DIAPH1: variants seen among roughly 807,000 people sequenced by gnomAD.
The protein encoded by DIAPH1 is protein diaphanous homolog 1.
A neutral mutation model predicts 140.7 loss-of-function variants in DIAPH1; 46 were observed. That is an observed-to-expected ratio of 0.33 (90% CI 0.26 to 0.42). DIAPH1 has a LOEUF of 0.42. Ranked by LOEUF, DIAPH1 falls within the 10% of genes least tolerant of loss-of-function variation. DIAPH1 has a pLI of 1.00. For synonymous variants in DIAPH1, 565 were observed against 551.6 expected, an observed-to-expected ratio of 1.02 and a Z score of -0.34; for missense variants, 1,310 against 1,558.7, an observed-to-expected ratio of 0.84 and a Z score of 2.69.
At chr5:141,580,627 C>T in intron 8 of DIAPH1, 117 bp downstream of exon 8, 1 of 1,032,020 alleles carries the variant, frequency 9.7e-7, no homozygotes, top group South Asian at 1.3e-5. Context: ...TGGGAAGAAA[C>T]ACAATCTTAC....
At position 141,587,024 on chromosome 5, in the gene DIAPH1, T is replaced by C. The variant is rs1474353087; in HGVS notation, c.300+18A>G. On this transcript the variant is annotated intron_variant, in intron 3 of 27. Coordinates refer to ENST00000389054, the MANE Select transcript of DIAPH1 (RefSeq NM_005219.5). ...AAATGCACAGGAAGAAGCAACATTT[T>C]GGGAATGGGAAACTTACCAGCATCT... 1 of 1,613,838 alleles carries C rather than the reference T, an allele frequency of 6.2e-7. No homozygotes were observed. Among genetic ancestry groups the C allele is most frequent in the Non-Finnish European group, 8.5e-7 (1 of 1,179,902 alleles).
chr5:141,564,981 T>C (rs975551576), intron 18 of DIAPH1: 8 of 152,230 alleles, frequency 5.3e-5, no homozygotes, highest in African/African-American at 9.6e-5. Flanking sequence ...TACAATCTTA[T>C]ACCTAGCAAC....
At chr5:141,583,733 G>A (rs2099897114) in intron 4 of DIAPH1, 118 bp from the exon 5 acceptor site, 1 of 1,378,558 alleles carries the variant, frequency 7.3e-7, no homozygotes, top group Non-Finnish European at 1.0e-6. Flanking sequence ...CAGAGACAAG[G>A]TCTTACTACG....
At chr5:141,592,802 G>C (rs1008833554) in intron 1 of DIAPH1, among the ~76,000 whole-genome samples, 5 of 152,146 alleles carry the variant, frequency 3.3e-5, no homozygotes, top group Non-Finnish European at 5.9e-5. Context: ...TATAGATACT[G>C]AAGGAAGCAT....
intron 1 of DIAPH1, among the ~76,000 whole-genome samples, chr5:141,615,261 A>C (rs942964180): frequency 4.8e-4 from 70 of 147,196 alleles, no homozygotes; most frequent in African/African-American, 1.7e-3. Context: ...TGGTGAAACC[A>C]GTCTCTACTA....
At chr5:141,615,249 C>T (rs1184470758) in intron 1 of DIAPH1, among the ~76,000 whole-genome samples, 2 of 150,690 alleles carry the variant, frequency 1.3e-5, no homozygotes, top group Non-Finnish European at 3.0e-5. Context: ...GCCTGGCCAA[C>T]ATGGTGAAAC....
At chr5:141,609,181 A>AC (rs1380798381) in intron 1 of DIAPH1, among the ~76,000 whole-genome samples, 2 of 151,952 alleles carry the variant, frequency 1.3e-5, no homozygotes, top group Non-Finnish European at 2.9e-5. Flanking sequence ...AAAAAAAAAA[A>AC]AAAAAACAGG....
At chr5:141,571,476 A>G (rs1368917725) in intron 17 of DIAPH1, 40 bp from the exon 18 acceptor site, 1 of 1,589,500 alleles carries the variant, frequency 6.3e-7, no homozygotes, top group Non-Finnish European at 8.6e-7. Flanking sequence ...GGCATCCAAT[A>G]TTGGAAAGAA....
Position 141,530,214 on chromosome 5 carries a change from T to G in DIAPH1, c.2582-517A>C, listed in dbSNP as rs574141591. On this transcript the variant is annotated intron_variant, in intron 19 of 27. Coordinates refer to ENST00000389054, the MANE Select transcript of DIAPH1 (RefSeq NM_005219.5). ...TCCCTAACAAATACATCCTGTTTTT[T>G]CAACTCTCCCTTTCTAATCTCTCAC... Among the ~76,000 whole-genome samples, 10 of 152,310 alleles carry G rather than the reference T, an allele frequency of 6.6e-5. No homozygotes were observed. The South Asian group carries it at 2.1e-3, about 32-fold the overall frequency.
intron 24 of DIAPH1, among the ~76,000 whole-genome samples, chr5:141,527,038 C>G (rs2099887441): frequency 6.6e-6 from 1 of 152,084 alleles, no homozygotes; most frequent in South Asian, 2.1e-4. Flanking sequence ...AGGTGCAAAT[C>G]AGAATAAAGT....
In DIAPH1 at chr5:141,576,126, C is replaced by T. The variant is rs531480468; in HGVS notation, c.1461+104G>A. On this transcript the variant is annotated intron_variant, in intron 14 of 27. Transcript: ENST00000389054. ...GGGAACTACACTATTGGGTGCTAAA[C>T]GCTTCCAAAATACCACAGAGGAAAA... is the stretch of plus-strand genomic sequence containing the variant. The T allele has an allele frequency of 9.1e-4, 909 of 1,003,184 alleles. 7 individuals carry two copies. In the Middle Eastern group the frequency reaches 0.015, roughly 17 times the overall value. The allele number at this position is 1,003,184 out of a possible 1,614,324, so 62.1% of individuals were successfully genotyped here.
chr5:141,559,352 C>T (rs756295659), intron 18 of DIAPH1, among the ~76,000 whole-genome samples: 5 of 152,094 alleles, frequency 3.3e-5, no homozygotes, highest in African/African-American at 7.2e-5. Flanking sequence ...CAAAGGTAAC[C>T]GTATCACTGA....
Position 141,587,061 on chromosome 5 carries a change from A to C in DIAPH1, c.281T>G (p.Val94Gly). ...ACTTACCAGCATCTGTTCAAAGAGA[A>C]CCAGCACTTGTTCATCTGAAACATC... ...LQDVSDEQVL[V>G]LFEQMLLDMN... Residue 94 changes from valine (V) to glycine (G), a missense_variant, in exon 3 of 28, where the codon GTT becomes GGT. Val to Gly is a moderately radical substitution (Grantham distance 109). Transcript: ENST00000389054. The C allele has an allele frequency of 6.2e-7, 1 of 1,614,180 alleles. No individual in the cohort carries two copies. The highest frequency in any genetic ancestry group is 8.5e-7 in the Non-Finnish European group (1 of 1,180,002).
chr5:141,544,620 C>T (rs770703588), intron 18 of DIAPH1, among the ~76,000 whole-genome samples: 10 of 152,088 alleles, frequency 6.6e-5, no homozygotes, highest in Non-Finnish European at 1.3e-4. Flanking sequence ...GAAAGCTGCT[C>T]AATATCATCA....
chr5:141,528,475 G>A lies in DIAPH1; in HGVS notation c.3126C>T (p.Ala1042=), dbSNP rs899924262. 1 of 1,614,144 alleles carries A rather than the reference G, an allele frequency of 6.2e-7. No homozygotes were observed. Among genetic ancestry groups the A allele is most frequent in the Non-Finnish European group, 8.5e-7 (1 of 1,180,040 alleles). Residue 1042 remains alanine (A), a synonymous_variant, in exon 23 of 28, where the codon GCC becomes GCT. Coordinates refer to ENST00000389054, the MANE Select transcript of DIAPH1 (RefSeq NM_005219.5). ...CACCTCGGCTGGCTTTCTCCACATG[G>A]GCAAGCTCGTCTGGAAACTTGAGGA... is the stretch of plus-strand genomic sequence containing the variant. ...PDVLKFPDEL[A]HVEKASRVSA... is the part of the protein sequence containing the mutation.
intron 1 of DIAPH1, among the ~76,000 whole-genome samples, chr5:141,597,941 TC>T (rs1485044100): frequency 6.6e-6 from 1 of 152,206 alleles, no homozygotes; most frequent in Non-Finnish European, 1.5e-5. Flanking sequence ...AGCAGTGTAC[TC>T]CCTCAACCTT....
At chr5:141,597,172 CTCT>C (rs1363001594) in intron 1 of DIAPH1, among the ~76,000 whole-genome samples, 1 of 152,078 alleles carries the variant, frequency 6.6e-6, no homozygotes, top group Non-Finnish European at 1.5e-5. Context: ...AAGGATAAGT[CTCT>C]AGCACAAAGG....
chr5:141,593,670 G>A (rs2099898843), intron 1 of DIAPH1, among the ~76,000 whole-genome samples: 1 of 152,152 alleles, frequency 6.6e-6, no homozygotes, highest in South Asian at 2.1e-4. Flanking sequence ...AAATTTAAAT[G>A]GCAAATAAAC....
intron 1 of DIAPH1, among the ~76,000 whole-genome samples, chr5:141,591,686 G>A (rs1215344135): frequency 1.8e-4 from 14 of 77,726 alleles, no homozygotes; most frequent in Non-Finnish European, 2.9e-4. Flanking sequence ...AGGAAGGAAG[G>A]GAGATGGGGA....
Sources: allele counts gnomAD v4.1 joint callset (sites outside exome capture counted in the v4.1 genomes callset), GRCh38; gene constraint gnomAD v4.1.1; transcripts MANE v1.5; gene names NCBI Gene and HGNC (gene_info 2026-07-23, HGNC 2026-07-21).